The following EVL variants were observed in gnomAD, a reference collection of about 807,000 sequenced individuals.
EVL encodes Enah/Vasp-like, also known as ena/VASP-like protein.
A neutral mutation model predicts 59.6 loss-of-function variants in EVL; 21 were observed. That is an observed-to-expected ratio of 0.35 (90% CI 0.25 to 0.51). The LOEUF is 0.51. EVL is among the 20% of genes least tolerant of loss of function. EVL has a pLI of 0.97. For missense variants in EVL, 462 were observed against 546.6 expected (o/e 0.85, Z 1.54); for synonymous variants, 198 against 203.5 (o/e 0.97, Z 0.23).
chr14:99,990,846 C>T (rs567215529), intron 1 of EVL, among the ~76,000 whole-genome samples: 312 of 152,168 alleles, frequency 2.1e-3, no homozygotes, highest in Admixed American at 5.3e-3. Context: ...CAAGATCCTA[C>T]TTTGCATTCT....
At chr14:100,129,133 G>C (rs888275441) in intron 6 of EVL, among the ~76,000 whole-genome samples, 1 of 152,158 alleles carries the variant, frequency 6.6e-6, no homozygotes, top group Non-Finnish European at 1.5e-5. Context: ...CTGTATGCTG[G>C]CAACTAGGTC....
chr14:100,092,146 G>A (rs925558933), intron 2 of EVL, among the ~76,000 whole-genome samples: 14 of 152,094 alleles, frequency 9.2e-5, no homozygotes, highest in Admixed American at 7.2e-4. Flanking sequence ...GGAGGCTGAG[G>A]CAGGAGGATC....
At chr14:100,066,886 A>G (rs966007045) in intron 1 of EVL, among the ~76,000 whole-genome samples, 1 of 152,352 alleles carries the variant, frequency 6.6e-6, no homozygotes, top group East Asian at 1.9e-4. Flanking sequence ...ACTTCAGCCA[A>G]AATAACTCTG....
At chr14:99,989,826 T>C (rs184732623) in intron 1 of EVL, among the ~76,000 whole-genome samples, 2 of 152,352 alleles carry the variant, frequency 1.3e-5, no homozygotes, top group East Asian at 1.9e-4. Context: ...ATAGCTGTTA[T>C]CTGTGGCAGG....
intron 1 of EVL, among the ~76,000 whole-genome samples, chr14:100,056,012 A>T (rs1461850887): frequency 1.3e-5 from 2 of 151,928 alleles, no homozygotes; most frequent in African/African-American, 4.8e-5. Context: ...AGGTTTCACC[A>T]TGTTGGCCGG....
intron 8 of EVL, chr14:100,135,687 G>A (rs918218116): frequency 1.9e-6 from 1 of 533,828 alleles, no homozygotes; most frequent in African/African-American, 1.9e-5. Flanking sequence ...GTAGCTCCCT[G>A]TAGCCTTCCC....
exon 1 of EVL, chr14:99,971,765 C>G (rs1406457825): frequency 2.1e-5 from 3 of 145,672 alleles, no homozygotes; most frequent in East Asian, 2.1e-4. Context: ...CGGCGGCGGC[C>G]CCCAGGCACG....
At chr14:99,975,670 G>A (rs552981141) in intron 1 of EVL, among the ~76,000 whole-genome samples, 15 of 152,264 alleles carry the variant, frequency 9.9e-5, no homozygotes, top group African/African-American at 2.6e-4. Context: ...TAGGGTTCAC[G>A]CTTCTATGAG....
At chr14:100,030,560 C>T (rs2140216852) in intron 1 of EVL, among the ~76,000 whole-genome samples, 1 of 152,304 alleles carries the variant, frequency 6.6e-6, no homozygotes, top group Admixed American at 6.5e-5. Context: ...TTCTAGTCTT[C>T]CCCTCTCCCT....
At chr14:100,001,592 G>C (rs2060946561) in intron 1 of EVL, among the ~76,000 whole-genome samples, 2 of 152,204 alleles carry the variant, frequency 1.3e-5, no homozygotes, top group Admixed American at 6.5e-5. Context: ...TCCATTGAAG[G>C]AGTCTCAGAT....
chr14:100,101,420 C>T (rs990209340), intron 3 of EVL, among the ~76,000 whole-genome samples: 2 of 151,738 alleles, frequency 1.3e-5, no homozygotes, highest in African/African-American at 2.4e-5. Flanking sequence ...GGCGGGATTA[C>T]GGTGAGCTGA....
intron 1 of EVL, among the ~76,000 whole-genome samples, chr14:100,015,522 G>T (rs1156446127): frequency 1.3e-5 from 2 of 152,194 alleles, no homozygotes; most frequent in African/African-American, 4.8e-5. Context: ...AATGACACTA[G>T]AAAGAGGAAG....
At chr14:100,061,460 C>CCAA (rs1491424972), upstream of EVL, among the ~76,000 whole-genome samples, 3 of 64,578 alleles carry the variant, frequency 4.6e-5, no homozygotes, top group Non-Finnish European at 8.9e-5. Context: ...CCTCAGGCTG[C>CCAA]AAAAAAAAAA....
chr14:100,068,377 C>T (rs1176323687), intron 1 of EVL, among the ~76,000 whole-genome samples: 2 of 152,210 alleles, frequency 1.3e-5, no homozygotes, highest in Non-Finnish European at 1.5e-5. Context: ...GCAAAGCCTG[C>T]GAGCTGTGCT....
At chr14:100,131,130 C>T (rs1888410068) in intron 7 of EVL, among the ~76,000 whole-genome samples, 1 of 152,166 alleles carries the variant, frequency 6.6e-6, no homozygotes. Flanking sequence ...CCTCCTGGTG[C>T]AGGGCATCGG....
intron 1 of EVL, among the ~76,000 whole-genome samples, chr14:100,058,721 A>G (rs1386146073): frequency 6.6e-6 from 1 of 152,176 alleles, no homozygotes; most frequent in Non-Finnish European, 1.5e-5. Context: ...AGGAACATAC[A>G]GCATGTCAAT....
rs563451637 is a variant in EVL at position 99,971,988 on chromosome 14, C to CCCGCCG, written c.-46_-41dup. 1,154 of 148,150 alleles carry CCCGCCG rather than the reference C, an allele frequency of 7.8e-3. 5 individuals carry two copies. Among genetic ancestry groups the CCCGCCG allele is most frequent in the East Asian group, 0.022 (110 of 4,928 alleles). 9.2% of individuals were successfully genotyped at this position (148,150 alleles called of 1,614,324 possible). On this transcript the variant is annotated 5_prime_UTR_variant, in exon 1 of 14. Coordinates refer to the EVL transcript ENST00000402714. ...CCCCGCTAGCGCCCGCGTCCCGCGC[C>CCCGCCG]CCGCCGCCGCCGCCGCCGCCGCCGG...
intron 3 of EVL, among the ~76,000 whole-genome samples, chr14:100,116,197 G>T (rs549380127): frequency 9.2e-5 from 14 of 152,242 alleles, no homozygotes; most frequent in Non-Finnish European, 2.1e-4. Context: ...TGCCGGGGAT[G>T]GCCCAGTCTC....
At chr14:100,126,583 G>A in intron 4 of EVL, 124 bp from the exon 5 acceptor site, 1 of 936,540 alleles carries the variant, frequency 1.1e-6, no homozygotes, top group Non-Finnish European at 1.7e-6. Context: ...GGCACACAGT[G>A]GCGCTTGTGG....
Sources: gnomAD v4.1 joint callset for allele counts (sites outside exome capture counted in the v4.1 genomes callset) on GRCh38, gnomAD v4.1.1 for gene constraint, MANE v1.5 for transcripts, NCBI Gene and HGNC (gene_info 2026-07-23, HGNC 2026-07-21) for gene names.